CD109: variants seen among roughly 807,000 people sequenced by gnomAD.
CD109 encodes the protein CD109 antigen.
A neutral mutation model predicts 165.8 loss-of-function variants in CD109; 149 were observed. The observed-to-expected ratio is 0.90, with a 90% confidence interval of 0.79 to 1.03. The LOEUF (loss-of-function observed/expected upper bound fraction) is 1.03, where lower values mean the gene tolerates loss of function less well. CD109 is among the 50% of genes least tolerant of loss of function. The probability of loss-of-function intolerance (pLI) is 0.00; values close to 1 mark genes in which losing one functional copy is unlikely to be tolerated. For missense variants in CD109, 1,712 were observed against 1,677.8 expected, an observed-to-expected ratio of 1.02 and a Z score of -0.36; for synonymous variants, 585 against 592.1, an observed-to-expected ratio of 0.99 and a Z score of 0.18.
rs201714869 is a variant in CD109, at chr6:73,812,220, C to T, written c.3718C>T (p.Pro1240Ser). 70 of 1,609,696 alleles carry T rather than the reference C, an allele frequency of 4.3e-5. No individual in the cohort carries two copies. The highest frequency in any genetic ancestry group is 5.1e-5 in the Non-Finnish European group (60 of 1,177,250). The change falls in exon 29 of 33, where the codon CCA (proline) becomes TCA (serine). Residue 1240 changes from proline (P) to serine (S), a missense_variant. Pro to Ser is a moderately conservative substitution (Grantham distance 74). Transcript: ENST00000287097. The part of the protein sequence containing the change: ...LQTAELAVVQ[P>S]TAVNISANGF... ...CTTGATTCAGCTTGCTGTGGTACAG[C>T]CAACGGCAGTTAATATTTCCGCAAA... is the stretch of plus-strand genomic sequence containing the variant.
intron 15 of CD109, among the ~76,000 whole-genome samples, chr6:73,778,422 G>A (rs1774344643): frequency 6.6e-6 from 1 of 152,088 alleles, no homozygotes; most frequent in Non-Finnish European, 1.5e-5. Context: ...GATTGCCCTG[G>A]CCAGAACTTC....
At chr6:73,703,298 A>G (rs1771148220) in intron 2 of CD109, among the ~76,000 whole-genome samples, 1 of 152,264 alleles carries the variant, frequency 6.6e-6, no homozygotes, top group Non-Finnish European at 1.5e-5. Flanking sequence ...TGCTTGCAGT[A>G]GATAGACCTG....
At chr6:73,773,858 A>G (rs1257593831) in intron 15 of CD109, among the ~76,000 whole-genome samples, 5 of 151,332 alleles carry the variant, frequency 3.3e-5, no homozygotes. Flanking sequence ...TCCTTCTGGG[A>G]CTTTTGTTTT....
rs761741151 is a variant in CD109, at chr6:73,808,111, A to G, written c.3218A>G (p.His1073Arg). 2.4e-5 allele frequency: 39 copies of G among 1,613,034 alleles called. 1 individual carries two copies. The South Asian group carries it at 4.0e-4, about 16-fold the overall frequency. The change falls in exon 26 of 33, where the codon CAT becomes CGT. Residue 1073 changes from histidine (H) to arginine (R), a missense_variant. His to Arg is a conservative substitution (Grantham distance 29, BLOSUM62 0). Coordinates refer to ENST00000287097, the MANE Select transcript of CD109 (RefSeq NM_133493.5). ...QPNIDVQESI[H>R]FLESEFSRGI... ...AACATTGATGTGCAAGAGTCTATCC[A>G]TTTTTTGGAGTCTGAATTCAGTAGA...
chr6:73,738,383 G>T (rs947965161), intron 5 of CD109, among the ~76,000 whole-genome samples: 11 of 152,308 alleles, frequency 7.2e-5, no homozygotes, highest in African/African-American at 2.6e-4. Context: ...TGGGTGGGCC[G>T]CCCTGGGTCA....
At chr6:73,768,002 T>G in intron 13 of CD109, 53 bp from the exon 14 acceptor site, 787 of 1,384,762 alleles carry the variant, frequency 5.7e-4, no homozygotes, top group Non-Finnish European at 7.3e-4. Context: ...TAGCTTCAGA[T>G]GAGATCCTAC....
intron 5 of CD109, among the ~76,000 whole-genome samples, chr6:73,753,471 A>G (rs1330198820): frequency 6.6e-6 from 1 of 152,230 alleles, no homozygotes; most frequent in Non-Finnish European, 1.5e-5. Context: ...ACTGGACATT[A>G]CAAAACTAAT....
At position 73,730,494 on chromosome 6, in the gene CD109, A is replaced by G; in HGVS notation, c.427A>G (p.Lys143Glu). The G allele has an allele frequency of 6.2e-7, 1 of 1,614,178 alleles. No individual in the cohort carries two copies. Among genetic ancestry groups the G allele is most frequent in the Non-Finnish European group, 8.5e-7 (1 of 1,180,008 alleles). ...AACAGACAAGGCCTTATACAAGCCA[A>G]AGCAAGAAGTGAAGTTTCGCATTGT... ...IQTDKALYKP[K>E]QEVKFRIVTL... Residue 143 changes from lysine to glutamate, a missense_variant, in exon 4 of 33, where the codon AAG (lysine) becomes GAG (glutamate). Coordinates refer to ENST00000287097, the MANE Select transcript of CD109 (RefSeq NM_133493.5).
chr6:73,762,457 A>G lies in CD109; in HGVS notation c.832A>G (p.Lys278Glu), dbSNP rs1948271692. The G allele has an allele frequency of 6.2e-7, 1 of 1,608,684 alleles. No homozygotes were observed. The highest frequency in any genetic ancestry group is 8.5e-7 in the Non-Finnish European group (1 of 1,175,578). Reference protein sequence around the residue: ...FLPLSFWGKKKNITKTFKING... With the variant: ...FLPLSFWGKKENITKTFKING... ...ACCTTTATCCTTTTGGGGAAAGAAG[A>G]AAAATATTACAAAAACATTTAAGGT... The change falls in exon 8 of 33, where the codon AAA becomes GAA. Residue 278 changes from lysine to glutamate, a missense_variant. Lys to Glu is a moderately conservative substitution (Grantham distance 56). Coordinates refer to ENST00000287097, the MANE Select transcript of CD109 (RefSeq NM_133493.5).
At chr6:73,712,079 G>A (rs1037494470) in intron 2 of CD109, among the ~76,000 whole-genome samples, 55 of 152,126 alleles carry the variant, frequency 3.6e-4, no homozygotes, top group Non-Finnish European at 6.5e-4. Flanking sequence ...GTATGGTGGC[G>A]CATGCCTCTA....
chr6:73,723,957 C>T (rs1772047242), intron 3 of CD109, among the ~76,000 whole-genome samples: 1 of 152,122 alleles, frequency 6.6e-6, no homozygotes, highest in African/African-American at 2.4e-5. Flanking sequence ...AATGAGCCTT[C>T]TAGTGTGGAA....
At chr6:73,815,455 ATGAGT>A (rs140346708) in intron 30 of CD109, among the ~76,000 whole-genome samples, 2,547 of 152,288 alleles carry the variant, frequency 0.017, 66 homozygotes, top group African/African-American at 0.058. Flanking sequence ...ATTTCTTGTT[ATGAGT>A]TATTTTTCTG....
chr6:73,795,337 A>G (rs1775116532), intron 23 of CD109, among the ~76,000 whole-genome samples: 1 of 151,906 alleles, frequency 6.6e-6, no homozygotes, highest in African/African-American at 2.4e-5. Flanking sequence ...AGCTTGAAAC[A>G]TGTAAGCAGT....
At chr6:73,724,750 T>C (rs1772074005) in intron 3 of CD109, among the ~76,000 whole-genome samples, 1 of 151,812 alleles carries the variant, frequency 6.6e-6, no homozygotes, top group African/African-American at 2.4e-5. Flanking sequence ...ACTACTGGCA[T>C]GTGCCACCAT....
At chr6:73,748,615 GA>G (rs1246891214) in intron 5 of CD109, among the ~76,000 whole-genome samples, 2 of 152,232 alleles carry the variant, frequency 1.3e-5, no homozygotes, top group African/African-American at 2.4e-5. Context: ...ATGGATGAAT[GA>G]ATGCATTTGT....
upstream of CD109, chr6:73,695,963 G>A (rs1248361563): frequency 4.1e-6 from 2 of 484,786 alleles, no homozygotes; most frequent in African/African-American, 4.2e-5. Context: ...TTTAGCAACT[G>A]CTTTCTCACC....
intron 2 of CD109, among the ~76,000 whole-genome samples, chr6:73,713,256 T>C (rs1302127088): frequency 6.6e-6 from 1 of 152,148 alleles, no homozygotes; most frequent in Non-Finnish European, 1.5e-5. Flanking sequence ...GTACTTAAAA[T>C]CGACTTTTTA....
At chr6:73,788,852 T>C (rs976156767) in intron 22 of CD109, among the ~76,000 whole-genome samples, 7 of 152,188 alleles carry the variant, frequency 4.6e-5, no homozygotes, top group African/African-American at 1.7e-4. Flanking sequence ...CAAATTCTGG[T>C]TTAGTAGGTC....
At chr6:73,731,467 G>A (rs537492957) in intron 4 of CD109, among the ~76,000 whole-genome samples, 1 of 152,362 alleles carries the variant, frequency 6.6e-6, no homozygotes, top group East Asian at 1.9e-4. Context: ...GCGCATTGGA[G>A]GAACAACAAG....
Sources: allele counts gnomAD v4.1 joint callset (sites outside exome capture counted in the v4.1 genomes callset), GRCh38; gene constraint gnomAD v4.1.1; transcripts MANE v1.5; gene names NCBI Gene and HGNC (gene_info 2026-07-23, HGNC 2026-07-21).